ABI3BP: variants seen among roughly 807,000 people sequenced by gnomAD.
The protein encoded by ABI3BP is target of Nesh-SH3.
A neutral mutation model predicts 268.6 loss-of-function variants in ABI3BP; 216 were observed. That is an observed-to-expected ratio of 0.80 (90% confidence interval 0.72 to 0.90). The LOEUF (loss-of-function observed/expected upper bound fraction) is 0.90. ABI3BP is among the 40% of genes least tolerant of loss of function. ABI3BP has a pLI of 0.00. For missense variants in ABI3BP, 2,090 were observed against 2,182.4 expected (o/e 0.96, Z 0.84); for synonymous variants, 730 against 730.0 (o/e 1.00, Z 0.00).
chr3:100,813,786 A>C lies in ABI3BP; in HGVS notation c.3290-51T>G. 3 of 1,447,082 alleles carry C rather than the reference A, an allele frequency of 2.1e-6. No homozygotes were observed. The East Asian group carries it at 7.4e-5, about 36-fold the overall frequency. 89.6% of individuals were successfully genotyped at this position (1,447,082 alleles called of 1,614,324 possible). ...AGAGTAATTTTCAGTTATTTATTTC[A>C]TAGGTTTTAGACAGAGGTAGCAGTG... On this transcript the variant is annotated intron_variant, in intron 44 of 67. Transcript: ENST00000471714.
At chr3:100,846,262 A>AAATGTAAC (rs1461293472) in intron 20 of ABI3BP, 110 bp downstream of exon 20, 2 of 796,260 alleles carry the variant, frequency 2.5e-6, no homozygotes. Flanking sequence ...TTTCATGGAA[A>AAATGTAAC]AATGTAACAA....
chr3:100,911,830 A>G (rs1447164668), intron 2 of ABI3BP: 10 of 1,594,184 alleles, frequency 6.3e-6, no homozygotes, highest in Non-Finnish European at 8.6e-6. Flanking sequence ...TGCTCCTGCA[A>G]GTTTTTGTGA....
intron 6 of ABI3BP, among the ~76,000 whole-genome samples, 190 bp from the exon 7 acceptor site, chr3:100,876,750 C>T (rs200982966): frequency 8.1e-4 from 122 of 151,550 alleles, no homozygotes; most frequent in East Asian, 4.7e-3. Flanking sequence ...GAGGCTGAGG[C>T]GGGTGGATCA....
intron 56 of ABI3BP, among the ~76,000 whole-genome samples, chr3:100,788,085 G>C (rs1034076557): frequency 6.6e-6 from 1 of 152,122 alleles, no homozygotes; most frequent in Admixed American, 6.6e-5. Context: ...GAAAGATCTT[G>C]TTTCATTTAT....
At chr3:100,762,410 T>C (rs1334133277) in intron 63 of ABI3BP, among the ~76,000 whole-genome samples, 1 of 152,230 alleles carries the variant, frequency 6.6e-6, no homozygotes, top group Non-Finnish European at 1.5e-5. Flanking sequence ...TTATTGTTTT[T>C]CCTTTCCTTG....
At chr3:100,773,321 A>C (rs908555970) in intron 61 of ABI3BP, among the ~76,000 whole-genome samples, 2 of 152,188 alleles carry the variant, frequency 1.3e-5, no homozygotes, top group African/African-American at 4.8e-5. Context: ...AAATATTGGA[A>C]ATAGCAAAAA....
At chr3:100,803,439 C>A (rs2097591953) in intron 51 of ABI3BP, among the ~76,000 whole-genome samples, 1 of 142,444 alleles carries the variant, frequency 7.0e-6, no homozygotes, top group Non-Finnish European at 1.6e-5. Context: ...AAAATATATA[C>A]CTTAAAAATA....
intron 54 of ABI3BP, among the ~76,000 whole-genome samples, 189 bp downstream of exon 54, chr3:100,794,734 T>C (rs1237158395): frequency 6.6e-6 from 1 of 152,022 alleles, no homozygotes; most frequent in Non-Finnish European, 1.5e-5. Context: ...TAAAACATTC[T>C]CATTTTATAT....
At chr3:100,904,762 CAGGTGCTGGAG>C (rs1210089198) in intron 2 of ABI3BP, among the ~76,000 whole-genome samples, 1 of 152,174 alleles carries the variant, frequency 6.6e-6, no homozygotes, top group Non-Finnish European at 1.5e-5. Context: ...CAGGAAACAA[CAGGTGCTGGAG>C]AGGATGTGGA....
At chr3:100,808,503 T>C (rs1438536350) in intron 49 of ABI3BP, among the ~76,000 whole-genome samples, 1 of 152,070 alleles carries the variant, frequency 6.6e-6, no homozygotes, top group Admixed American at 6.6e-5. Context: ...ACCTTCTAAA[T>C]AGTTTGAAAA....
chr3:100,840,871 GA>G lies in ABI3BP; in HGVS notation c.1766-14del. On this transcript the variant is annotated splice_polypyrimidine_tract_variant and intron_variant, in intron 21 of 67. Coordinates refer to ENST00000471714, the MANE Select transcript of ABI3BP (RefSeq NM_001375547.2). ...GGTGTTTCAGGTCCTAAGACAATGT[GA>G]AAAAATCACCAAGAAAGAATCAAGA... The G allele has an allele frequency of 2.6e-6, 4 of 1,528,794 alleles. No homozygotes were observed. The highest frequency in any genetic ancestry group is 3.5e-6 in the Non-Finnish European group (4 of 1,142,646). 94.7% of individuals were successfully genotyped at this position (1,528,794 alleles called of 1,614,324 possible).
chr3:100,829,743 C>A (rs1019915340), intron 32 of ABI3BP, 79 bp from the exon 33 acceptor site: 3 of 1,125,082 alleles, frequency 2.7e-6, no homozygotes, highest in African/African-American at 3.1e-5. Context: ...GTTATAATTT[C>A]TTGACTTCCA....
At chr3:100,803,585 AAACTT>A (rs2152388314) in intron 51 of ABI3BP, among the ~76,000 whole-genome samples, 1 of 115,478 alleles carries the variant, frequency 8.7e-6, no homozygotes, top group Admixed American at 8.2e-5. Flanking sequence ...AAAGAGGAAA[AAACTT>A]AACTATTCAA....
intron 61 of ABI3BP, 61 bp downstream of exon 61, chr3:100,774,544 G>T: frequency 7.5e-7 from 1 of 1,327,714 alleles, no homozygotes; most frequent in Non-Finnish European, 1.0e-6. Flanking sequence ...GCAATAACTG[G>T]CTGATACACC....
rs548903609 is a variant in ABI3BP, at chr3:100,775,118, C to A, written c.4462+89G>T. The A allele has an allele frequency of 2.7e-6, 4 of 1,479,022 alleles. No homozygotes were observed. The African/African-American group carries it at 4.3e-5, about 16-fold the overall frequency. 91.6% of individuals were successfully genotyped at this position (1,479,022 alleles called of 1,614,324 possible). A position where few individuals can be genotyped will look rare whatever the true frequency, so the allele number is the denominator to read the frequency against. On this transcript the variant is annotated intron_variant, in intron 60 of 67. Coordinates refer to ENST00000471714, the MANE Select transcript of ABI3BP (RefSeq NM_001375547.2). Reference sequence around the variant, plus strand: ...TAAAATGGAGTAAAATAGAAGACCTCAAACTGAGACTCACCCATCCCCACC... The same window carrying A: ...TAAAATGGAGTAAAATAGAAGACCTAAAACTGAGACTCACCCATCCCCACC...
intron 51 of ABI3BP, among the ~76,000 whole-genome samples, chr3:100,799,915 CCACT>C (rs2097474919): frequency 6.6e-6 from 1 of 152,218 alleles, no homozygotes; most frequent in East Asian, 1.9e-4. Context: ...TAGGGTCTTC[CCACT>C]CAAAGTCCTA....
intron 1 of ABI3BP, among the ~76,000 whole-genome samples, chr3:100,983,037 T>G (rs2090315619): frequency 6.6e-6 from 1 of 152,190 alleles, no homozygotes; most frequent in Non-Finnish European, 1.5e-5. Context: ...CACACACACG[T>G]GCACAGTGGC....
At chr3:100,889,779 A>C (rs1484245265) in intron 4 of ABI3BP, among the ~76,000 whole-genome samples, 1 of 152,146 alleles carries the variant, frequency 6.6e-6, no homozygotes, top group African/African-American at 2.4e-5. Context: ...CAATACTGCC[A>C]ATAATTGTTG....
intron 1 of ABI3BP, among the ~76,000 whole-genome samples, chr3:100,932,746 G>A (rs1019443115): frequency 6.6e-6 from 1 of 152,144 alleles, no homozygotes; most frequent in African/African-American, 2.4e-5. Context: ...CACACTGCTA[G>A]TGGGAATGTA....
Sources: allele counts gnomAD v4.1 joint callset (sites outside exome capture counted in the v4.1 genomes callset), GRCh38; gene constraint gnomAD v4.1.1; transcripts MANE v1.5; gene names NCBI Gene and HGNC (gene_info 2026-07-23, HGNC 2026-07-21).